CDIN1: variants seen among roughly 807,000 people sequenced by gnomAD.
The protein encoded by CDIN1 is CDAN1-interacting nuclease 1.
In CDIN1, 33 loss-of-function variants were observed where a neutral mutation model predicts 45.3. The observed-to-expected ratio is 0.73, with a 90% CI of 0.55 to 0.97. The LOEUF is 0.97. CDIN1 is among the 50% of genes least tolerant of loss of function. The pLI is 0.00. For synonymous variants in CDIN1, 118 were observed against 124.4 expected, an observed-to-expected ratio of 0.95 and a Z score of 0.34; for missense variants, 303 against 339.4, an observed-to-expected ratio of 0.89 and a Z score of 0.84.
intron 1 of CDIN1, among the ~76,000 whole-genome samples, chr15:36,611,178 AG>A (rs2038631989): frequency 2.0e-5 from 3 of 152,214 alleles, no homozygotes; most frequent in Admixed American, 6.5e-5. Flanking sequence ...GTACAGTTGG[AG>A]AATCTGGTTC....
chr15:36,797,979 C>CAA (rs570630838), intron 10 of CDIN1, among the ~76,000 whole-genome samples: 5 of 55,256 alleles, frequency 9.0e-5, no homozygotes, highest in Admixed American at 4.8e-4. Flanking sequence ...GACTCCATCT[C>CAA]AAAAAAAAAA....
rs1020550166 is a variant in CDIN1, at chr15:36,696,671, G to A, written c.477-652G>A. On this transcript the variant is annotated intron_variant, in intron 7 of 10. Coordinates refer to ENST00000566621, the MANE Select transcript of CDIN1 (RefSeq NM_001321759.2). ...TCCTTCCACCTCGGCCTCCAGAGTG[G>A]CTGGGGTTATAGGCGCAAGCCACCT... Among the ~76,000 whole-genome samples the A allele has an allele frequency of 6.7e-4, 102 of 152,154 alleles. 2 individuals carry two copies. The highest frequency in any genetic ancestry group is 1.5e-4 in the Non-Finnish European group (10 of 68,032).
Position 36,808,506 on chromosome 15 carries a change from T to C in CDIN1, c.*53T>C. 1.2e-6 allele frequency: 2 copies of C among 1,601,588 alleles called. No individual in the cohort carries two copies. The highest frequency in any genetic ancestry group is 1.7e-6 in the Non-Finnish European group (2 of 1,173,516). ...GAGGAAAAGGTGAATCCGGAAGCAATTTTACTTTCCTGCACTGTAAGATCC... is the reference window on the plus strand; with the variant it reads ...GAGGAAAAGGTGAATCCGGAAGCAACTTTACTTTCCTGCACTGTAAGATCC... On this transcript the variant is annotated 3_prime_UTR_variant, in exon 11 of 11. Coordinates refer to ENST00000566621, the MANE Select transcript of CDIN1 (RefSeq NM_001321759.2).
intron 10 of CDIN1, among the ~76,000 whole-genome samples, chr15:36,766,471 G>A (rs2053927646): frequency 6.6e-6 from 1 of 152,086 alleles, no homozygotes; most frequent in Non-Finnish European, 1.5e-5. Flanking sequence ...AATTTTTTGA[G>A]GACCCTCCAT....
At chr15:36,601,952 C>T (rs559228402) in intron 1 of CDIN1, among the ~76,000 whole-genome samples, 2 of 152,294 alleles carry the variant, frequency 1.3e-5, no homozygotes, top group African/African-American at 2.4e-5. Flanking sequence ...AGGGTTTTAT[C>T]GATAGCAGCT....
At chr15:36,777,622 A>C (rs2054253276) in intron 10 of CDIN1, among the ~76,000 whole-genome samples, 1 of 152,082 alleles carries the variant, frequency 6.6e-6, no homozygotes. Flanking sequence ...GTTTCTATTT[A>C]TATTTTTATT....
At chr15:36,659,062 C>T (rs1044900529) in intron 5 of CDIN1, among the ~76,000 whole-genome samples, 2 of 152,146 alleles carry the variant, frequency 1.3e-5, no homozygotes, top group South Asian at 2.1e-4. Flanking sequence ...GCAGCAGCAC[C>T]GCCATTTGTC....
At chr15:36,684,365 G>T (rs1472490685) in intron 5 of CDIN1, among the ~76,000 whole-genome samples, 1 of 152,000 alleles carries the variant, frequency 6.6e-6, no homozygotes, top group African/African-American at 2.4e-5. Context: ...CTGTTTATAT[G>T]CTGGATTACA....
intron 10 of CDIN1, among the ~76,000 whole-genome samples, chr15:36,710,468 G>A (rs2043017370): frequency 6.6e-6 from 1 of 152,126 alleles, no homozygotes; most frequent in Non-Finnish European, 1.5e-5. Flanking sequence ...AGAAAGGAGT[G>A]GGAGGGTCTT....
At chr15:36,639,355 C>T (rs1021445579) in intron 1 of CDIN1, among the ~76,000 whole-genome samples, 9 of 126,622 alleles carry the variant, frequency 7.1e-5, no homozygotes, top group Middle Eastern at 4.0e-3. Context: ...CCTGCAATCC[C>T]GGCATTTTGG....
intron 5 of CDIN1, 146 bp downstream of exon 5, chr15:36,658,051 A>G: frequency 3.1e-6 from 2 of 637,100 alleles, no homozygotes; most frequent in East Asian, 5.6e-5. Flanking sequence ...TGCAATATAA[A>G]AGACCACCCA....
chr15:36,600,040 G>A (rs1045036562), intron 1 of CDIN1, among the ~76,000 whole-genome samples: 7 of 152,252 alleles, frequency 4.6e-5, no homozygotes, highest in African/African-American at 1.4e-4. Flanking sequence ...TTGGGCATTT[G>A]AATTGGAAAT....
chr15:36,623,923 A>G (rs1247660149), intron 1 of CDIN1, among the ~76,000 whole-genome samples: 2 of 152,180 alleles, frequency 1.3e-5, no homozygotes, highest in Non-Finnish European at 2.9e-5. Context: ...GTCAATTTGG[A>G]GAAGATACTT....
chr15:36,787,286 A>C (rs1295393849), intron 10 of CDIN1, among the ~76,000 whole-genome samples: 1 of 152,104 alleles, frequency 6.6e-6, no homozygotes, highest in Non-Finnish European at 1.5e-5. Context: ...CTCATCCTTC[A>C]AAACCAAATA....
intron 3 of CDIN1, among the ~76,000 whole-genome samples, chr15:36,647,825 A>G (rs954884448): frequency 8.1e-5 from 12 of 148,840 alleles, no homozygotes; most frequent in African/African-American, 3.0e-4. Flanking sequence ...AAAATTAAGC[A>G]TATTTGTGAT....
At chr15:36,760,940 C>T (rs1387855645) in intron 10 of CDIN1, among the ~76,000 whole-genome samples, 1 of 152,164 alleles carries the variant, frequency 6.6e-6, no homozygotes, top group Non-Finnish European at 1.5e-5. Context: ...TTTCTCAGCA[C>T]CCTGGCCCAA....
At chr15:36,758,596 A>G (rs2053672784) in intron 10 of CDIN1, among the ~76,000 whole-genome samples, 1 of 152,172 alleles carries the variant, frequency 6.6e-6, no homozygotes, top group African/African-American at 2.4e-5. Flanking sequence ...CCATCACTCC[A>G]GATCTTTGTA....
In CDIN1 at chr15:36,755,686, T is replaced by TAAA. The variant is rs11380291; in HGVS notation, c.716+45737_716+45739dup. ...TTCTGGTGAGTTCTTAGTGTTGGTT[T>TAAA]AAAAAAAAAAAAAATCTTGAGCTTG... On this transcript the variant is annotated intron_variant, in intron 10 of 10. Transcript: ENST00000566621. 2.0e-3 allele frequency among the ~76,000 whole-genome samples: 291 copies of TAAA among 147,816 alleles called. 2 individuals carry two copies. Among genetic ancestry groups the TAAA allele is most frequent in the African/African-American group, 6.3e-3 (255 of 40,428 alleles).
Position 36,775,151 on chromosome 15 carries a change from CTT to C in CDIN1, c.717-33170_717-33169del, listed in dbSNP as rs550385884. On this transcript the variant is annotated intron_variant, in intron 10 of 10. Coordinates refer to ENST00000566621, the MANE Select transcript of CDIN1 (RefSeq NM_001321759.2). Reference sequence around the variant, plus strand: ...ATCAGCCATGAAATAACTTACCAAACTTTTGTTTTTCTAGCAAATTCTTAAGA... The same window carrying C: ...ATCAGCCATGAAATAACTTACCAAACTTGTTTTTCTAGCAAATTCTTAAGA... 1.5e-4 allele frequency among the ~76,000 whole-genome samples: 23 copies of C among 152,310 alleles called. No individual in the cohort carries two copies. The East Asian group carries it at 3.1e-3, about 20-fold the overall frequency.
Sources: gnomAD v4.1 joint callset for allele counts (sites outside exome capture counted in the v4.1 genomes callset) on GRCh38, gnomAD v4.1.1 for gene constraint, MANE v1.5 for transcripts, NCBI Gene and HGNC (gene_info 2026-07-23, HGNC 2026-07-21) for gene names.